PDE4D: variants seen among roughly 807,000 people sequenced by gnomAD.
The protein encoded by PDE4D is phosphodiesterase 4D.
PDE4D carries 24 observed loss-of-function variants against 87.4 expected under a neutral mutation model. The observed-to-expected ratio is 0.27, with a 90% CI of 0.20 to 0.39. PDE4D has a LOEUF of 0.39. Among genes scored for constraint, PDE4D ranks in the 10% least tolerant of loss-of-function variants. The probability of loss-of-function intolerance (pLI) is 1.00; values close to 1 mark genes in which losing one functional copy is unlikely to be tolerated. For missense variants in PDE4D, 714 were observed against 1,041.0 expected (o/e 0.69, Z 4.32); for synonymous variants, 384 against 383.2 (o/e 1.00, Z -0.02).
intron 1 of PDE4D, among the ~76,000 whole-genome samples, chr5:59,231,438 T>C (rs1755166275): frequency 6.6e-6 from 1 of 152,202 alleles, no homozygotes; most frequent in African/African-American, 2.4e-5. Context: ...CCTATCTTGA[T>C]GTTCTTTTTC....
At chr5:58,976,784 C>T (rs1250526313) in intron 12 of PDE4D, among the ~76,000 whole-genome samples, 1 of 152,168 alleles carries the variant, frequency 6.6e-6, no homozygotes, top group Non-Finnish European at 1.5e-5. Context: ...AGAGATTTTC[C>T]TGTGTCTCAT....
At chr5:59,532,281 C>A (rs187245177) in intron 1 of PDE4D, among the ~76,000 whole-genome samples, 17 of 151,978 alleles carry the variant, frequency 1.1e-4, no homozygotes, top group African/African-American at 3.9e-4. Context: ...ATTACAGGCA[C>A]CTGCCACCAC....
intron 1 of PDE4D, among the ~76,000 whole-genome samples, chr5:60,471,047 A>G (rs370351988): frequency 3.9e-4 from 60 of 152,312 alleles, no homozygotes; most frequent in African/African-American, 1.4e-3. Context: ...TTCTGGAAAG[A>G]ATTCACCATT....
chr5:59,380,604 T>C (rs556596393), intron 1 of PDE4D, among the ~76,000 whole-genome samples: 6 of 152,120 alleles, frequency 3.9e-5, no homozygotes, highest in Non-Finnish European at 7.4e-5. Flanking sequence ...ATAATTGTAG[T>C]GTTCTGTTTA....
chr5:59,495,096 T>C (rs1327603648), intron 1 of PDE4D, among the ~76,000 whole-genome samples: 1 of 152,180 alleles, frequency 6.6e-6, no homozygotes, highest in African/African-American at 2.4e-5. Context: ...CCTTGAGTCT[T>C]GTCCTGCCTT....
intron 1 of PDE4D, among the ~76,000 whole-genome samples, chr5:59,656,472 C>G (rs556364906): frequency 1.3e-5 from 2 of 152,306 alleles, no homozygotes; most frequent in South Asian, 4.1e-4. Flanking sequence ...TTATTAGAAA[C>G]CATCTGTTAA....
chr5:60,063,162 GAAAGAAAGAAAAAGAGAAAGAA>G (rs1562044750), intron 2 of PDE4D, among the ~76,000 whole-genome samples: 1 of 105,846 alleles, frequency 9.4e-6, no homozygotes, highest in Non-Finnish European at 2.2e-5. Flanking sequence ...AAGAAGGAAA[GAAAGAAAGAAAAAGAGAAAGAA>G]AAAGAAAGAA....
intron 1 of PDE4D, among the ~76,000 whole-genome samples, chr5:59,576,957 A>C (rs886064260): frequency 3.9e-5 from 6 of 152,084 alleles, no homozygotes; most frequent in Non-Finnish European, 8.8e-5. Context: ...GGTTTTCTCA[A>C]TTTGCCCACT....
intron 6 of PDE4D, among the ~76,000 whole-genome samples, chr5:59,032,536 A>G (rs10052856): frequency 0.18 from 27,199 of 152,092 alleles, 2,715 homozygotes; most frequent in East Asian, 0.48. Context: ...CTGAGATCGT[A>G]TCACTGTACT....
rs114320330 is a variant in PDE4D at position 60,170,356 on chromosome 5, A to G, written c.42+15201T>C. ...GGCTAGCCTTTCACTATAGATCTAC[A>G]TAATTCCAAGGATACAGAGTAAAAG... is the stretch of plus-strand genomic sequence containing the variant. On this transcript the variant is annotated intron_variant, in intron 2 of 16. Transcript: ENST00000502484. Among the ~76,000 whole-genome samples, 457 of 152,122 alleles carry G rather than the reference A, an allele frequency of 3.0e-3. 2 individuals are homozygous for G. Among genetic ancestry groups the G allele is most frequent in the African/African-American group, 0.01 (419 of 41,546 alleles).
At chr5:59,911,757 T>G (rs571142138) in intron 3 of PDE4D, among the ~76,000 whole-genome samples, 1 of 152,294 alleles carries the variant, frequency 6.6e-6, no homozygotes, top group South Asian at 2.1e-4. Flanking sequence ...GAGAACACTT[T>G]GGACAATAAC....
intron 5 of PDE4D, among the ~76,000 whole-genome samples, chr5:59,160,037 C>A (rs1780818778): frequency 6.6e-6 from 1 of 152,104 alleles, no homozygotes; most frequent in Non-Finnish European, 1.5e-5. Flanking sequence ...CCAGAGCCAG[C>A]AAAAATGATT....
intron 1 of PDE4D, among the ~76,000 whole-genome samples, chr5:59,551,623 T>TA (rs1402354033): frequency 6.6e-6 from 1 of 152,162 alleles, no homozygotes; most frequent in Non-Finnish European, 1.5e-5. Flanking sequence ...CTGTAATTTT[T>TA]ATGATATAAT....
intron 1 of PDE4D, among the ~76,000 whole-genome samples, chr5:60,512,594 G>A (rs1035131629): frequency 6.6e-6 from 1 of 152,100 alleles, no homozygotes; most frequent in Non-Finnish European, 1.5e-5. Flanking sequence ...GACTTTGGAT[G>A]GCAATGGAAG....
chr5:59,829,320 G>A (rs1030815406), intron 1 of PDE4D, among the ~76,000 whole-genome samples: 1 of 151,800 alleles, frequency 6.6e-6, no homozygotes, highest in African/African-American at 2.4e-5. Flanking sequence ...AGATTTTTCT[G>A]TATTTAAAAA....
chr5:59,138,902 T>C (rs1340839687), intron 5 of PDE4D, among the ~76,000 whole-genome samples: 1 of 152,242 alleles, frequency 6.6e-6, no homozygotes, highest in African/African-American at 2.4e-5. Context: ...AAGAGGTGTG[T>C]GAAAGATTTA....
intron 1 of PDE4D, among the ~76,000 whole-genome samples, chr5:60,368,443 C>A (rs549820534): frequency 1.3e-5 from 2 of 152,152 alleles, no homozygotes; most frequent in African/African-American, 2.4e-5. Flanking sequence ...TAGGGGGACC[C>A]TTTTCTCCCT....
rs185903272 is a variant in PDE4D, at chr5:58,995,039, G to A, written c.922-1574C>T. On this transcript the variant is annotated intron_variant, in intron 6 of 14. Coordinates refer to ENST00000340635, the MANE Select transcript of PDE4D (RefSeq NM_001104631.2). ...TAATAAAAATAAAATAAATGCTGGG[G>A]AAAAAACAAACAAACAAACAAAAAA... 8.3e-3 allele frequency among the ~76,000 whole-genome samples: 1,245 copies of A among 149,342 alleles called. 22 individuals carry two copies. Among genetic ancestry groups the A allele is most frequent in the African/African-American group, 0.028 (1,142 of 40,902 alleles).
intron 1 of PDE4D, among the ~76,000 whole-genome samples, chr5:60,314,638 A>C (rs1583391639): frequency 6.8e-6 from 1 of 147,264 alleles, no homozygotes; most frequent in Non-Finnish European, 1.5e-5. Flanking sequence ...CCTCCCCCAC[A>C]CCCCCACCCC....
Sources: gnomAD v4.1 joint callset for allele counts (sites outside exome capture counted in the v4.1 genomes callset) on GRCh38, gnomAD v4.1.1 for gene constraint, MANE v1.5 for transcripts, NCBI Gene and HGNC (gene_info 2026-07-23, HGNC 2026-07-21) for gene names.